The following WSCD2 variants were observed in gnomAD, a reference collection of about 807,000 sequenced individuals.
WSCD2 encodes the protein WSC domain sialate O sulfotransferase 2.
WSCD2 carries 28 observed loss-of-function variants against 55.7 expected under a neutral mutation model. The observed-to-expected ratio is 0.50, with a 90% confidence interval of 0.37 to 0.69. WSCD2 has a LOEUF of 0.69. Among genes scored for constraint, WSCD2 ranks in the 30% least tolerant of loss-of-function variants. The pLI is 0.00. For synonymous variants in WSCD2, 301 were observed against 301.9 expected, an observed-to-expected ratio of 1.00 and a Z score of 0.03; for missense variants, 616 against 762.1, an observed-to-expected ratio of 0.81 and a Z score of 2.26.
At chr12:108,169,898 C>T (rs1880053877) in intron 1 of WSCD2, among the ~76,000 whole-genome samples, 1 of 152,166 alleles carries the variant, frequency 6.6e-6, no homozygotes, top group Non-Finnish European at 1.5e-5. Context: ...CAAACAAGGT[C>T]CTCACTATTC....
chr12:108,142,065 G>A (rs570798205), intron 1 of WSCD2, among the ~76,000 whole-genome samples: 32 of 152,332 alleles, frequency 2.1e-4, no homozygotes, highest in Middle Eastern at 3.4e-3. Flanking sequence ...TCTGCTTTAA[G>A]TTGCTAAAAT....
intron 1 of WSCD2, among the ~76,000 whole-genome samples, chr12:108,161,211 C>T (rs1410999420): frequency 1.3e-5 from 2 of 152,152 alleles, no homozygotes; most frequent in Admixed American, 1.3e-4. Flanking sequence ...AAGAAAATAT[C>T]ATAATGCATA....
intron 1 of WSCD2, among the ~76,000 whole-genome samples, chr12:108,181,010 G>A (rs1470338803): frequency 1.3e-5 from 2 of 152,240 alleles, no homozygotes; most frequent in East Asian, 1.9e-4. Flanking sequence ...TCCTGCAGGG[G>A]AGTCCGGATT....
At chr12:108,227,582 T>A (rs1888249442) in intron 6 of WSCD2, among the ~76,000 whole-genome samples, 1 of 152,214 alleles carries the variant, frequency 6.6e-6, no homozygotes, top group African/African-American at 2.4e-5. Flanking sequence ...GATTTTGTCA[T>A]TTTATCTATA....
At chr12:108,196,604 C>A (rs1427692129) in intron 2 of WSCD2, among the ~76,000 whole-genome samples, 1 of 152,206 alleles carries the variant, frequency 6.6e-6, no homozygotes, top group Non-Finnish European at 1.5e-5. Flanking sequence ...ATAGAAACAT[C>A]ACCACAACTG....
chr12:108,248,007 G>C lies in WSCD2; in HGVS notation c.1362G>C (p.Val454=). The C allele has an allele frequency of 1.2e-6, 2 of 1,612,836 alleles. No homozygotes were observed. Among genetic ancestry groups the C allele is most frequent in the Non-Finnish European group, 1.7e-6 (2 of 1,178,916 alleles). Residue 454 remains valine, a synonymous_variant, in exon 9 of 9, where the codon GTG becomes GTC. Transcript: ENST00000547525. The surrounding 1 kb of genome is among the most constrained non-coding windows in gnomAD (Gnocchi z 4.3). ...TCTCTGCAGAGTGGCCAGAGTTCGT[G>C]AGGAACTATGCCCCGTGGTGGGCCA... ...HWKGKEWPEF[V]RNYAPWWATH... is the part of the protein sequence containing the mutation.
chr12:108,141,569 A>T (rs1485420257), intron 1 of WSCD2, among the ~76,000 whole-genome samples: 1 of 152,066 alleles, frequency 6.6e-6, no homozygotes, highest in Non-Finnish European at 1.5e-5. Flanking sequence ...AGCCACTCTG[A>T]TGTCTGCTTC....
Position 108,196,049 on chromosome 12 carries a change from G to A in WSCD2, c.217G>A (p.Gly73Ser), listed in dbSNP as rs760214228. ...ELSFLGDMHL[G>S]RGFRDTGEAS... ...GTCCTTCTTGGGTGACATGCATCTG[G>A]GCAGAGGTTTCCGGGACACAGGTGA... The change falls in exon 2 of 9, where the codon GGC becomes AGC. Residue 73 changes from glycine (G) to serine (S), a missense_variant. Around this residue, in one of 3 missense-constraint regions of WSCD2, gnomAD observed 374 missense variants for 467.4 expected, o/e 0.80. Transcript: ENST00000547525. The A allele has an allele frequency of 5.0e-6, 8 of 1,614,044 alleles. No individual in the cohort carries two copies. The highest frequency in any genetic ancestry group is 1.3e-5 in the African/African-American group (1 of 74,914).
At chr12:108,228,186 AT>A (rs1392894543) in intron 6 of WSCD2, among the ~76,000 whole-genome samples, 1 of 152,038 alleles carries the variant, frequency 6.6e-6, no homozygotes, top group Non-Finnish European at 1.5e-5. Flanking sequence ...TTGGATGGGG[AT>A]TGGGGGGCAT....
chr12:108,147,646 G>A (rs1170483779), intron 1 of WSCD2, among the ~76,000 whole-genome samples: 3 of 152,216 alleles, frequency 2.0e-5, no homozygotes, highest in African/African-American at 7.2e-5. Flanking sequence ...GGAGGCTGAG[G>A]CAGGCTAATT....
At chr12:108,227,852 A>G (rs1405569504) in intron 6 of WSCD2, among the ~76,000 whole-genome samples, 1 of 152,046 alleles carries the variant, frequency 6.6e-6, no homozygotes, top group Non-Finnish European at 1.5e-5. Flanking sequence ...TGACGCTGAT[A>G]GTGCTGATGA....
At chr12:108,153,901 G>A (rs1878265594) in intron 1 of WSCD2, among the ~76,000 whole-genome samples, 1 of 152,094 alleles carries the variant, frequency 6.6e-6, no homozygotes, top group South Asian at 2.1e-4. Context: ...GTGTCTCGAG[G>A]GGCAAATGGA....
intron 1 of WSCD2, among the ~76,000 whole-genome samples, chr12:108,156,240 C>T (rs1028314958): frequency 7.9e-5 from 12 of 152,142 alleles, no homozygotes; most frequent in South Asian, 4.1e-4. Context: ...GGCTCAGGTC[C>T]GTGTCCTGGC....
At chr12:108,212,751 C>A (rs1886375134) in intron 4 of WSCD2, among the ~76,000 whole-genome samples, 1 of 152,156 alleles carries the variant, frequency 6.6e-6, no homozygotes, top group African/African-American at 2.4e-5. Context: ...CTCACCTGCC[C>A]CCTTCTGTGT....
chr12:108,167,188 C>T (rs1354976876), intron 1 of WSCD2, among the ~76,000 whole-genome samples: 2 of 152,050 alleles, frequency 1.3e-5, no homozygotes, highest in Non-Finnish European at 2.9e-5. Context: ...TGGGAATATT[C>T]GAACCTTATA....
At chr12:108,160,778 C>A (rs1300088407) in intron 1 of WSCD2, among the ~76,000 whole-genome samples, 1 of 152,180 alleles carries the variant, frequency 6.6e-6, no homozygotes, top group Admixed American at 6.5e-5. Context: ...TTATGCTATA[C>A]TGTGTTGTGC....
chr12:108,133,691 T>C (rs1875863893), intron 1 of WSCD2, among the ~76,000 whole-genome samples: 1 of 152,210 alleles, frequency 6.6e-6, no homozygotes, highest in Non-Finnish European at 1.5e-5. Context: ...TGATGCGTGC[T>C]CATTTTTCCA....
rs577747407 is a variant in WSCD2 at position 108,247,253 on chromosome 12, T to G, written c.1346-738T>G. ...ATGGTGATACCTCTTAAGGTTGTTGTGAAGATTAAGTAGAATTAAAAGCTA... is the reference window on the plus strand; with the variant it reads ...ATGGTGATACCTCTTAAGGTTGTTGGGAAGATTAAGTAGAATTAAAAGCTA... On this transcript the variant is annotated intron_variant, in intron 8 of 8. Transcript: ENST00000547525. Among the ~76,000 whole-genome samples the G allele has an allele frequency of 5.9e-5, 9 of 151,730 alleles. No homozygotes were observed. In the East Asian group the frequency reaches 1.7e-3, roughly 29 times the overall value.
chr12:108,216,381 T>C lies in WSCD2; in HGVS notation c.682+6076T>C, dbSNP rs559283993. ...GTTATTACTGCCATCATTGCTATTA[T>C]ATAGAAAGGTTTGATCATTAGGAAG... On this transcript the variant is annotated intron_variant, in intron 4 of 8. Coordinates refer to ENST00000547525, the MANE Select transcript of WSCD2 (RefSeq NM_014653.4). Among the ~76,000 whole-genome samples the C allele has an allele frequency of 3.3e-5, 5 of 152,330 alleles. No individual in the cohort carries two copies. In the East Asian group the frequency reaches 7.7e-4, roughly 24 times the overall value.
Sources: gnomAD v4.1 joint callset for allele counts (sites outside exome capture counted in the v4.1 genomes callset) on GRCh38, gnomAD v4.1.1 for gene constraint, gnomAD v4.1.1 regional missense constraint, Gnocchi (gnomAD v3.1) non-coding constraint, MANE v1.5 for transcripts, NCBI Gene and HGNC (gene_info 2026-07-23, HGNC 2026-07-21) for gene names.